The following SUN1 variants were observed in gnomAD, a reference collection of about 807,000 sequenced individuals.
SUN1 encodes SUN domain-containing protein 1.
In SUN1, 61 loss-of-function variants were observed where a neutral mutation model predicts 103.2. The observed-to-expected ratio is 0.59, with a 90% CI of 0.48 to 0.73. SUN1 has a LOEUF of 0.73. Ranked by LOEUF, SUN1 falls within the 30% of genes least tolerant of loss-of-function variation. The pLI, the probability that SUN1 is intolerant of heterozygous loss-of-function variation, is 0.00. For synonymous variants in SUN1, 490 were observed against 425.7 expected (o/e 1.15, Z -1.86); for missense variants, 1,052 against 1,034.6 (o/e 1.02, Z -0.23).
At chr7:818,504 T>A (rs1319027220) in intron 1 of SUN1, among the ~76,000 whole-genome samples, 1 of 152,198 alleles carries the variant, frequency 6.6e-6, no homozygotes, top group Non-Finnish European at 1.5e-5. Flanking sequence ...CTATGAACAT[T>A]TGTGGATGAG....
chr7:822,587 T>A (rs1182004936), intron 1 of SUN1, among the ~76,000 whole-genome samples: 2 of 152,142 alleles, frequency 1.3e-5, no homozygotes, highest in Non-Finnish European at 1.5e-5. Context: ...AGATGTGAGC[T>A]GTATCTGCAG....
chr7:851,608 G>T, intron 6 of SUN1, 126 bp downstream of exon 6: 1 of 845,228 alleles, frequency 1.2e-6, no homozygotes. Flanking sequence ...TTGGCGTAAC[G>T]TGTCTCGTTC....
At position 872,451 on chromosome 7, in the gene SUN1, T is replaced by C. The variant is rs116897811; in HGVS notation, c.2149-19T>C. Reference sequence around the variant, plus strand: ...TTATTTTTCCATTCGTTCATAATTGTGTATGGTCTTGTTTTCAGGGATTAG... The same window carrying C: ...TTATTTTTCCATTCGTTCATAATTGCGTATGGTCTTGTTTTCAGGGATTAG... On this transcript the variant is annotated intron_variant, in intron 17 of 18. Transcript: ENST00000401592. 0.012 allele frequency: 19,330 copies of C among 1,579,066 alleles called. 162 individuals carry two copies. The highest frequency in any genetic ancestry group is 0.015 in the Non-Finnish European group (16,996 of 1,159,764).
At chr7:857,527 C>G (rs1035634544) in intron 12 of SUN1, among the ~76,000 whole-genome samples, 10 of 152,304 alleles carry the variant, frequency 6.6e-5, no homozygotes, top group Middle Eastern at 3.4e-3. Context: ...ATGCTTAAAT[C>G]GTTTTCAGAG....
intron 1 of SUN1, among the ~76,000 whole-genome samples, chr7:834,537 C>T (rs1245358460): frequency 2.6e-5 from 4 of 152,172 alleles, no homozygotes; most frequent in Admixed American, 6.5e-5. Flanking sequence ...CTCAGCTGGC[C>T]GGCCTTGCGT....
intron 15 of SUN1, among the ~76,000 whole-genome samples, 187 bp downstream of exon 15, chr7:861,651 G>A (rs953147330): frequency 4.6e-5 from 7 of 152,178 alleles, no homozygotes; most frequent in African/African-American, 1.7e-4. Flanking sequence ...GTGTTTGGGG[G>A]GCACAAGTTC....
At position 844,685 on chromosome 7, in the gene SUN1, T is replaced by A. The variant is rs73669693; in HGVS notation, c.658+1165T>A. Among the ~76,000 whole-genome samples, 1,027 of 152,334 alleles carry A rather than the reference T, an allele frequency of 6.7e-3. 10 individuals are homozygous for A. The highest frequency in any genetic ancestry group is 0.023 in the African/African-American group (955 of 41,582). ...CCCTCACAGCACTGTGCACGGTGCC[T>A]GCTTGGGTTCCTCCATGTGGACCAG... On this transcript the variant is annotated intron_variant, in intron 5 of 18. Coordinates refer to ENST00000401592, the MANE Select transcript of SUN1 (RefSeq NM_001130965.3).
chr7:845,283 G>A lies in SUN1; in HGVS notation c.658+1763G>A, dbSNP rs139471503. Among the ~76,000 whole-genome samples the A allele has an allele frequency of 4.2e-4, 64 of 152,194 alleles. No individual in the cohort carries two copies. In the Middle Eastern group the frequency reaches 0.01, roughly 24 times the overall value. ...ATTGTAGCTTCCCGAAACTCATGGCGCCTCCCCTCGGACGTCGGTGTCGTG... is the reference window on the plus strand; with the variant it reads ...ATTGTAGCTTCCCGAAACTCATGGCACCTCCCCTCGGACGTCGGTGTCGTG... On this transcript the variant is annotated intron_variant, in intron 5 of 18. Coordinates refer to ENST00000401592, the MANE Select transcript of SUN1 (RefSeq NM_001130965.3).
intron 12 of SUN1, among the ~76,000 whole-genome samples, chr7:857,152 C>T (rs994742476): frequency 1.3e-5 from 2 of 152,156 alleles, no homozygotes; most frequent in South Asian, 4.1e-4. Flanking sequence ...CCCCACAGCC[C>T]TCCCCGCCTG....
chr7:866,227 G>C lies in SUN1; in HGVS notation c.1980+160G>C, dbSNP rs4721953. ...AGCGTTCCCACACCGAGGAGTCCCC[G>C]GTGTCCCCGTGTAGCCTCCACGCTA... is the stretch of plus-strand genomic sequence containing the variant. On this transcript the variant is annotated intron_variant, in intron 16 of 18. Coordinates refer to ENST00000401592, the MANE Select transcript of SUN1 (RefSeq NM_001130965.3). 0.15 allele frequency among the ~76,000 whole-genome samples: 23,395 copies of C among 152,158 alleles called. 1,987 individuals are homozygous for C. Among genetic ancestry groups the C allele is most frequent in the South Asian group, 0.24 (1,174 of 4,818 alleles).
At chr7:858,077 G>A in intron 13 of SUN1, 120 bp downstream of exon 13, 2 of 1,249,920 alleles carry the variant, frequency 1.6e-6, no homozygotes, top group Non-Finnish European at 2.1e-6. Context: ...TTGAAACCGA[G>A]TCTTGCTGTG....
chr7:866,323 C>T (rs1836516953), intron 16 of SUN1, among the ~76,000 whole-genome samples: 1 of 152,138 alleles, frequency 6.6e-6, no homozygotes, highest in Non-Finnish European at 1.5e-5. Context: ...TGTCAGCCTT[C>T]CTCCCTCCCT....
At chr7:843,647 A>G (rs761148050) in intron 5 of SUN1, 127 bp downstream of exon 5, 1 of 1,564,118 alleles carries the variant, frequency 6.4e-7, no homozygotes, top group Non-Finnish European at 8.7e-7. Context: ...AAGCATAAGA[A>G]GTACACCCCA....
chr7:832,870 GAGA>G, intron 1 of SUN1: 1 of 449,952 alleles, frequency 2.2e-6, no homozygotes, highest in Non-Finnish European at 4.0e-6. Flanking sequence ...TTGTGATGTT[GAGA>G]AGATGTCTCT....
upstream of SUN1, among the ~76,000 whole-genome samples, chr7:815,577 CA>C (rs199776020): frequency 5.0e-5 from 7 of 139,638 alleles, no homozygotes; most frequent in African/African-American, 2.6e-5. Flanking sequence ...GACCTTGTCT[CA>C]AAAAAAAAAC....
chr7:827,476 T>G (rs571916631), upstream of SUN1, among the ~76,000 whole-genome samples: 3 of 141,070 alleles, frequency 2.1e-5, no homozygotes, highest in African/African-American at 7.6e-5. Flanking sequence ...GTTTTTTTTT[T>G]TTTTTTTTTT....
intron 1 of SUN1, among the ~76,000 whole-genome samples, chr7:838,206 C>CT (rs1554261933): frequency 6.6e-6 from 1 of 152,238 alleles, no homozygotes; most frequent in Non-Finnish European, 1.5e-5. Context: ...GCGTGAACCA[C>CT]TGTGCCTGGC....
At position 857,921 on chromosome 7, in the gene SUN1, G is replaced by A. The variant is rs1828994265; in HGVS notation, c.1488G>A (p.Lys496=). 1 of 1,599,410 alleles carries A rather than the reference G, an allele frequency of 6.3e-7. No homozygotes were observed. ...KSELSSWRHV[K]TGCETVDAVQ... is the part of the protein sequence containing the mutation. ...AGCTGTCCAGCTGGCGACACGTGAA[G>A]ACCGGCTGTGAGACAGTGGATGCCG... The change falls in exon 13 of 19, where the codon AAG becomes AAA. Residue 496 remains lysine (K), a synonymous_variant. Coordinates refer to ENST00000401592, the MANE Select transcript of SUN1 (RefSeq NM_001130965.3).
intron 1 of SUN1, among the ~76,000 whole-genome samples, chr7:837,032 T>C (rs1295244701): frequency 6.6e-6 from 1 of 152,204 alleles, no homozygotes; most frequent in African/African-American, 2.4e-5. Flanking sequence ...ACCTGGGGAC[T>C]GCGAATCATG....
Sources: allele counts gnomAD v4.1 joint callset (sites outside exome capture counted in the v4.1 genomes callset), GRCh38; gene constraint gnomAD v4.1.1; transcripts MANE v1.5; gene names NCBI Gene and HGNC (gene_info 2026-07-23, HGNC 2026-07-21).